Variants in TYW5 observed in about 807,000 individuals in gnomAD.
TYW5 encodes the protein tRNA wybutosine-synthesizing protein 5.
Under a neutral mutation model 44.4 loss-of-function variants are expected in TYW5, and 36 were observed. The observed-to-expected ratio is 0.81, with a 90% CI of 0.62 to 1.07. The LOEUF is 1.07. Ranked by LOEUF, TYW5 falls within the 50% of genes least tolerant of loss-of-function variation. The pLI is 0.00. For synonymous variants in TYW5, 121 were observed against 128.1 expected, an observed-to-expected ratio of 0.94 and a Z score of 0.37; for missense variants, 354 against 365.7, an observed-to-expected ratio of 0.97 and a Z score of 0.26.
chr2:199,938,068 A>ATT (rs1255806141), intron 5 of TYW5, among the ~76,000 whole-genome samples: 1 of 144,448 alleles, frequency 6.9e-6, no homozygotes. Flanking sequence ...ATCAAGATCA[A>ATT]TTTTTTTTTT....
At position 199,931,173 on chromosome 2, in the gene TYW5, G is replaced by C. The variant is rs1044676038; in HGVS notation, c.*1894C>G. 2 of 152,042 alleles carry C rather than the reference G, an allele frequency of 1.3e-5. No homozygotes were observed. Among genetic ancestry groups the C allele is most frequent in the African/African-American group, 4.8e-5 (2 of 41,402 alleles). The allele number at this position is 152,042 out of a possible 1,614,324, so 9.4% of individuals were successfully genotyped here. On this transcript the variant is annotated 3_prime_UTR_variant, in exon 8 of 8. Coordinates refer to ENST00000354611, the MANE Select transcript of TYW5 (RefSeq NM_001039693.3). ...AAAGATGGAATATAATTAAATAGAA[G>C]AACTAGCACCAGTTATCAACTATGT...
At position 199,929,243 on chromosome 2, in the gene TYW5, G is replaced by T. The variant is rs970486471; in HGVS notation, c.*3824C>A. On this transcript the variant is annotated 3_prime_UTR_variant, in exon 8 of 8. Transcript: ENST00000354611. ...AGGAGATATACCTAATGTAAATGAC[G>T]AGTTAACGGGTGCAGCACACCAACA... Among the ~76,000 whole-genome samples, 1 of 152,118 alleles carries T rather than the reference G, an allele frequency of 6.6e-6. No homozygotes were observed. Among genetic ancestry groups the T allele is most frequent in the Non-Finnish European group, 1.5e-5 (1 of 68,036 alleles).
intron 3 of TYW5, among the ~76,000 whole-genome samples, chr2:199,941,015 T>C (rs899734383): frequency 2.0e-5 from 3 of 152,208 alleles, no homozygotes; most frequent in African/African-American, 7.2e-5. Flanking sequence ...AATTTCATTG[T>C]AGTAAACGTA....
rs925550195 is a variant in TYW5, at chr2:199,932,818, T to C, written c.*249A>G. On this transcript the variant is annotated 3_prime_UTR_variant, in exon 8 of 8. Transcript: ENST00000354611. ...ATAGATTTCATGTATTGTGAATCAA[T>C]ATATTTTCTTACTGTTTTTAAGTCA... The C allele has an allele frequency of 1.5e-5, 7 of 467,372 alleles. No individual in the cohort carries two copies. Among genetic ancestry groups the C allele is most frequent in the Admixed American group, 3.9e-5 (1 of 25,458 alleles). 29.0% of individuals were successfully genotyped at this position (467,372 alleles called of 1,614,324 possible). A position where few individuals can be genotyped will look rare whatever the true frequency, so the allele number is the denominator to read the frequency against.
At chr2:199,949,682 G>C (rs1574809005) in intron 1 of TYW5, among the ~76,000 whole-genome samples, 2 of 152,172 alleles carry the variant, frequency 1.3e-5, no homozygotes, top group African/African-American at 4.8e-5. Context: ...TTTGGAGAAG[G>C]AATGTACCAC....
At chr2:199,944,077 G>C (rs1026366032) in intron 2 of TYW5, 6 of 357,392 alleles carry the variant, frequency 1.7e-5, no homozygotes, top group Non-Finnish European at 3.0e-5. Context: ...TGATACAGAT[G>C]AATCTTTCAA....
In TYW5 at chr2:199,929,474, C is replaced by CATCTA. The variant is rs1011141173; in HGVS notation, c.*3588_*3592dup. 6.7e-6 allele frequency among the ~76,000 whole-genome samples: 1 copy of CATCTA among 149,794 alleles called. No homozygotes were observed. The highest frequency in any genetic ancestry group is 1.9e-4 in the East Asian group (1 of 5,154). ...AATCTATGTTAGTTCCTCCTGACTA[C>CATCTA]ATCTATTTTTTAGCACTGGGGAAAG... On this transcript the variant is annotated 3_prime_UTR_variant, in exon 8 of 8. Coordinates refer to ENST00000354611, the MANE Select transcript of TYW5 (RefSeq NM_001039693.3).
chr2:199,943,071 G>T (rs1237324381), intron 3 of TYW5: 2 of 152,134 alleles, frequency 1.3e-5, no homozygotes, highest in African/African-American at 2.4e-5. Context: ...GGTCAGGCTG[G>T]TCTCGAACTC....
intron 1 of TYW5, among the ~76,000 whole-genome samples, chr2:199,951,254 C>T (rs537515687): frequency 1.3e-5 from 2 of 152,254 alleles, no homozygotes; most frequent in African/African-American, 4.8e-5. Context: ...CAAGAACCTA[C>T]TGAGAACGTT....
intron 1 of TYW5, 129 bp downstream of exon 1, chr2:199,955,264 G>C: frequency 4.7e-6 from 5 of 1,055,262 alleles, no homozygotes; most frequent in Non-Finnish European, 6.8e-6. Context: ...GGGCCAACCA[G>C]TGATCTGCTG....
At chr2:199,937,013 T>G (rs1350827633) in intron 5 of TYW5, among the ~76,000 whole-genome samples, 1 of 152,152 alleles carries the variant, frequency 6.6e-6, no homozygotes, top group Non-Finnish European at 1.5e-5. Flanking sequence ...TTTTTTTTCC[T>G]TTTCTGCAAA....
At chr2:199,945,492 T>C (rs1487747609) in intron 2 of TYW5, 6 of 152,252 alleles carry the variant, frequency 3.9e-5, no homozygotes, top group Admixed American at 3.3e-4. Context: ...TCTTTGACTA[T>C]AGATAGTGTC....
At chr2:199,943,126 G>T (rs1211269643) in intron 3 of TYW5, 1 of 152,332 alleles carries the variant, frequency 6.6e-6, no homozygotes, top group East Asian at 1.9e-4. Flanking sequence ...AAAGTGCTGG[G>T]ATTACAGGCG....
chr2:199,939,404 G>GATACATGATCTTTCAA (rs1158582428), intron 4 of TYW5, among the ~76,000 whole-genome samples: 2 of 152,154 alleles, frequency 1.3e-5, no homozygotes, highest in Non-Finnish European at 2.9e-5. Flanking sequence ...TTGCCTGGCC[G>GATACATGATCTTTCAA]ATACATGATC....
chr2:199,954,466 T>A (rs4673612), intron 1 of TYW5, among the ~76,000 whole-genome samples: 7,702 of 151,974 alleles, frequency 0.051, 234 homozygotes, highest in East Asian at 0.13. Flanking sequence ...AGTTTAGCTC[T>A]TGTTGCCCAG....
chr2:199,944,887 T>C (rs1438971635), intron 2 of TYW5: 1 of 152,304 alleles, frequency 6.6e-6, no homozygotes, highest in Non-Finnish European at 1.5e-5. Flanking sequence ...AACACAAACA[T>C]GGTGTGAACC....
chr2:199,933,240 C>T lies in TYW5; in HGVS notation c.775G>A (p.Asp259Asn), dbSNP rs1180267926. The T allele has an allele frequency of 1.2e-6, 2 of 1,613,940 alleles. No homozygotes were observed. Among genetic ancestry groups the T allele is most frequent in the Non-Finnish European group, 1.7e-6 (2 of 1,180,008 alleles). ...TTGTTTCCATAGGTATCTGTTTTAT[C>T]ATAGCATTCAGATGGAAGGTGCTTC... ...FWKHLPSECY[D>N]KTDTYGNKDP... is the part of the protein sequence containing the mutation. Residue 259 changes from aspartate (D) to asparagine (N), a missense_variant, in exon 8 of 8, where the codon GAT (aspartate) becomes AAT (asparagine). By Grantham distance (23) the Asp-to-Asn change is conservative. Transcript: ENST00000354611.
intron 2 of TYW5, 28 bp downstream of exon 2, chr2:199,948,290 C>T: frequency 1.2e-6 from 2 of 1,611,656 alleles, no homozygotes; most frequent in Non-Finnish European, 1.7e-6. Flanking sequence ...TTATTTGTAT[C>T]CCCAGAGTAA....
intron 5 of TYW5, among the ~76,000 whole-genome samples, chr2:199,938,096 G>A (rs981717070): frequency 2.7e-5 from 4 of 150,184 alleles, no homozygotes; most frequent in Non-Finnish European, 4.4e-5. Flanking sequence ...ACAGAGTCTC[G>A]TTCTGTCGCC....
Sources: gnomAD v4.1 joint callset for allele counts (sites outside exome capture counted in the v4.1 genomes callset) on GRCh38, gnomAD v4.1.1 for gene constraint, MANE v1.5 for transcripts, NCBI Gene and HGNC (gene_info 2026-07-23, HGNC 2026-07-21) for gene names.